The following TMED5 variants were observed in gnomAD, a reference collection of about 807,000 sequenced individuals.
TMED5 encodes transmembrane emp24 domain-containing protein 5.
Under a neutral mutation model 23.0 loss-of-function variants are expected in TMED5, and 27 were observed. That is an observed-to-expected ratio of 1.17 (90% CI 0.86 to 1.62). The LOEUF is 1.62. Ranked by LOEUF, TMED5 falls within the 40% of genes most tolerant of loss-of-function variation. TMED5 has a pLI of 0.00. For missense variants in TMED5, 248 were observed against 273.7 expected (o/e 0.91, Z 0.66); for synonymous variants, 97 against 100.8 (o/e 0.96, Z 0.23).
intron 1 of TMED5, 131 bp downstream of exon 1, chr1:93,179,923 G>C (rs1331867449): frequency 1.0e-6 from 1 of 1,000,092 alleles, no homozygotes; most frequent in African/African-American, 1.7e-5. Context: ...GCGCGGAGCG[G>C]GCTGGCTTCC....
At chr1:93,170,551 G>C (rs1648688243) in intron 1 of TMED5, among the ~76,000 whole-genome samples, 1 of 152,206 alleles carries the variant, frequency 6.6e-6, no homozygotes. Context: ...CCTCCCCGAA[G>C]AGCGCCACTC....
At position 93,150,670 on chromosome 1, in the gene TMED5, G is replaced by A. The variant is rs1192014017; in HGVS notation, c.*4000C>T. 2.0e-5 allele frequency: 3 copies of A among 152,092 alleles called. No homozygotes were observed. The highest frequency in any genetic ancestry group is 7.2e-5 in the African/African-American group (3 of 41,394). 9.4% of individuals were successfully genotyped at this position (152,092 alleles called of 1,614,324 possible). On this transcript the variant is annotated 3_prime_UTR_variant, in exon 4 of 4. Coordinates refer to ENST00000370282, the MANE Select transcript of TMED5 (RefSeq NM_016040.5). ...TCTTTTCTTTCTGCAATGGTATTAC[G>A]TGTCCTTTTAGAATTGAAATCAAGG... is the stretch of plus-strand genomic sequence containing the variant.
chr1:93,179,080 T>C (rs1186739193), intron 1 of TMED5, among the ~76,000 whole-genome samples: 1 of 151,860 alleles, frequency 6.6e-6, no homozygotes, highest in African/African-American at 2.4e-5. Flanking sequence ...AAAGAAAACA[T>C]GCTAGGCATG....
chr1:93,166,088 A>G (rs1398705987), intron 1 of TMED5, among the ~76,000 whole-genome samples: 2 of 152,232 alleles, frequency 1.3e-5, no homozygotes, highest in Non-Finnish European at 2.9e-5. Context: ...AGCAAATGAC[A>G]AGATCTCATT....
chr1:93,153,198 T>C lies in TMED5; in HGVS notation c.*1472A>G, dbSNP rs1370028165. The C allele has an allele frequency of 6.6e-6, 1 of 152,522 alleles. No homozygotes were observed. The highest frequency in any genetic ancestry group is 1.5e-5 in the Non-Finnish European group (1 of 67,998). 9.4% of individuals were successfully genotyped at this position (152,522 alleles called of 1,614,324 possible). ...AATTATAGTTCATTCATGATGAAGT[T>C]AAATTACTAGTACTTGAGTAAGACC... On this transcript the variant is annotated 3_prime_UTR_variant, in exon 4 of 4. Coordinates refer to ENST00000370282, the MANE Select transcript of TMED5 (RefSeq NM_016040.5).
chr1:93,171,167 C>T lies in TMED5; in HGVS notation c.189+8887G>A, dbSNP rs148659283. Among the ~76,000 whole-genome samples, 476 of 152,304 alleles carry T rather than the reference C, an allele frequency of 3.1e-3. 2 individuals carry two copies. The highest frequency in any genetic ancestry group is 7.7e-3 in the Admixed American group (118 of 15,290). ...TGAAGCCAGCGAGACCACAAACCCA[C>T]CAGGAGGAACGAACAACTCCAGACA... On this transcript the variant is annotated intron_variant, in intron 1 of 3. Transcript: ENST00000370282.
intron 1 of TMED5, among the ~76,000 whole-genome samples, chr1:93,175,898 T>G (rs575452774): frequency 1.3e-5 from 2 of 152,186 alleles, no homozygotes; most frequent in Non-Finnish European, 2.9e-5. Flanking sequence ...GAGTGCTTAT[T>G]TGGTGCTAGA....
At position 93,156,503 on chromosome 1, in the gene TMED5, T is replaced by C; in HGVS notation, c.288-20A>G. The C allele has an allele frequency of 6.3e-7, 1 of 1,587,926 alleles. No homozygotes were observed. The highest frequency in any genetic ancestry group is 8.6e-7 in the Non-Finnish European group (1 of 1,159,122). ...TCTACACTGTATAAAAAAAAGTACA[T>C]GTTTTAAGTTACCTGTATTTCTATT... On this transcript the variant is annotated intron_variant, in intron 2 of 3. Coordinates refer to ENST00000370282, the MANE Select transcript of TMED5 (RefSeq NM_016040.5).
rs1647909038 is a variant in TMED5, at chr1:93,152,334, T to C, written c.*2336A>G. On this transcript the variant is annotated 3_prime_UTR_variant, in exon 4 of 4. Coordinates refer to ENST00000370282, the MANE Select transcript of TMED5 (RefSeq NM_016040.5). ...AGCTGTTAAGTGATAAACAGCTTAC[T>C]CAATTTAGCATAACTTTAATTTAGA... 2 of 152,532 alleles carry C rather than the reference T, an allele frequency of 1.3e-5. No individual in the cohort carries two copies. 9.4% of individuals were successfully genotyped at this position (152,532 alleles called of 1,614,324 possible). A position where few individuals can be genotyped will look rare whatever the true frequency, so the allele number is the denominator to read the frequency against.
Position 93,170,958 on chromosome 1 carries a change from G to A in TMED5, c.189+9096C>T, listed in dbSNP as rs1048152194. Among the ~76,000 whole-genome samples, 8 of 152,132 alleles carry A rather than the reference G, an allele frequency of 5.3e-5. No individual in the cohort carries two copies. In the East Asian group the frequency reaches 5.8e-4, roughly 11 times the overall value. On this transcript the variant is annotated intron_variant, in intron 1 of 3. Transcript: ENST00000370282. ...GACCAATCAGCGAAATGTGGGTGGG[G>A]CCAGATAAGAGAATTAAAGCAGGCT...
At chr1:93,158,172 AGT>A (rs1283372333) in intron 2 of TMED5, among the ~76,000 whole-genome samples, 1 of 151,982 alleles carries the variant, frequency 6.6e-6, no homozygotes, top group Admixed American at 6.6e-5. Context: ...AGTGATTAAT[AGT>A]GAGTTGGACT....
At chr1:93,166,774 T>C (rs533983411) in intron 1 of TMED5, among the ~76,000 whole-genome samples, 7 of 152,306 alleles carry the variant, frequency 4.6e-5, no homozygotes, top group Admixed American at 2.0e-4. Context: ...TGATGTGATC[T>C]CATTGGTCCA....
Position 93,151,646 on chromosome 1 carries a change from C to A in TMED5, c.*3024G>T, listed in dbSNP as rs1240804867. 1.3e-5 allele frequency: 2 copies of A among 152,056 alleles called. No individual in the cohort carries two copies. Among genetic ancestry groups the A allele is most frequent in the African/African-American group, 2.4e-5 (1 of 41,398 alleles). 9.4% of individuals were successfully genotyped at this position (152,056 alleles called of 1,614,324 possible). A position where few individuals can be genotyped will look rare whatever the true frequency, so the allele number is the denominator to read the frequency against. On this transcript the variant is annotated 3_prime_UTR_variant, in exon 4 of 4. Transcript: ENST00000370282. Reference sequence around the variant, plus strand: ...TCATATATTTTGAGCAAAAACTGTACCTTTTAGGAACAGTGCATGTTTAGG... The same window carrying A: ...TCATATATTTTGAGCAAAAACTGTAACTTTTAGGAACAGTGCATGTTTAGG...
chr1:93,168,544 G>A (rs915594955), intron 1 of TMED5, among the ~76,000 whole-genome samples: 2 of 152,150 alleles, frequency 1.3e-5, no homozygotes, highest in Non-Finnish European at 1.5e-5. Context: ...GGATAAAGAG[G>A]GGCATTACTG....
At chr1:93,179,691 T>C (rs985459076) in intron 1 of TMED5, among the ~76,000 whole-genome samples, 4 of 152,198 alleles carry the variant, frequency 2.6e-5, no homozygotes, top group Middle Eastern at 3.2e-3. Context: ...AAGGAGAACG[T>C]GTATCAGTTC....
At position 93,152,950 on chromosome 1, in the gene TMED5, A is replaced by C. The variant is rs1647930148; in HGVS notation, c.*1720T>G. The C allele has an allele frequency of 6.6e-6, 1 of 152,508 alleles. No homozygotes were observed. The highest frequency in any genetic ancestry group is 2.1e-4 in the South Asian group (1 of 4,830). 9.4% of individuals were successfully genotyped at this position (152,508 alleles called of 1,614,324 possible). A position where few individuals can be genotyped will look rare whatever the true frequency, so the allele number is the denominator to read the frequency against. Reference sequence around the variant, plus strand: ...TTACCTCATTTTTAAAAACCTTGCCAGTAGGGAAATCTAAGCTGCTCTTCT... The same window carrying C: ...TTACCTCATTTTTAAAAACCTTGCCCGTAGGGAAATCTAAGCTGCTCTTCT... On this transcript the variant is annotated 3_prime_UTR_variant, in exon 4 of 4. Transcript: ENST00000370282.
At chr1:93,170,429 G>A (rs1313223152) in intron 1 of TMED5, among the ~76,000 whole-genome samples, 2 of 152,224 alleles carry the variant, frequency 1.3e-5, no homozygotes, top group Non-Finnish European at 1.5e-5. Context: ...TGCTGTGCTC[G>A]ATTTCTCGCA....
Position 93,154,056 on chromosome 1 carries a change from C to CAA in TMED5, c.*612_*613dup, listed in dbSNP as rs1430879703. The CAA allele has an allele frequency of 6.6e-6, 1 of 152,476 alleles. No homozygotes were observed. Among genetic ancestry groups the CAA allele is most frequent in the Non-Finnish European group, 1.5e-5 (1 of 67,964 alleles). The allele number at this position is 152,476 out of a possible 1,614,324, so 9.4% of individuals were successfully genotyped here. ...AGCTTTTGGGAATGTAAGCAAAGTA[C>CAA]AAAGACTAATGCTTTCTGCTAATAT... On this transcript the variant is annotated 3_prime_UTR_variant, in exon 4 of 4. Coordinates refer to ENST00000370282, the MANE Select transcript of TMED5 (RefSeq NM_016040.5).
chr1:93,156,133 A>C, intron 3 of TMED5, 167 bp downstream of exon 3: 1 of 1,171,304 alleles, frequency 8.5e-7, no homozygotes, highest in South Asian at 1.5e-5. Context: ...ATTAATATAA[A>C]ATAAAATTAA....
Sources: gnomAD v4.1 joint callset for allele counts (sites outside exome capture counted in the v4.1 genomes callset) on GRCh38, gnomAD v4.1.1 for gene constraint, MANE v1.5 for transcripts, NCBI Gene and HGNC (gene_info 2026-07-23, HGNC 2026-07-21) for gene names.